DGLUCY: variants seen among roughly 807,000 people sequenced by gnomAD.
The protein encoded by DGLUCY is D-glutamate cyclase, also known as D-glutamate cyclase, mitochondrial.
Under a neutral mutation model 58.5 loss-of-function variants are expected in DGLUCY, and 58 were observed. The ratio of observed to expected loss-of-function variants is 0.99; its 90% CI spans 0.80 to 1.23. The LOEUF is 1.23. Ranked by LOEUF, DGLUCY falls within the 50% of genes most tolerant of loss-of-function variation. The probability of loss-of-function intolerance (pLI) is 0.00; values close to 1 mark genes in which losing one functional copy is unlikely to be tolerated. For synonymous variants in DGLUCY, 325 were observed against 314.1 expected, an observed-to-expected ratio of 1.03 and a Z score of -0.37; for missense variants, 779 against 784.7, an observed-to-expected ratio of 0.99 and a Z score of 0.09.
chr14:91,193,661 T>G (rs2050035746), intron 9 of DGLUCY, among the ~76,000 whole-genome samples: 1 of 152,006 alleles, frequency 6.6e-6, no homozygotes, highest in Non-Finnish European at 1.5e-5. Context: ...GCCAACATGG[T>G]GAAACCCCGT....
At chr14:91,146,711 A>T (rs1019119065) in intron 1 of DGLUCY, among the ~76,000 whole-genome samples, 6 of 152,218 alleles carry the variant, frequency 3.9e-5, no homozygotes, top group African/African-American at 1.4e-4. Flanking sequence ...ATGGAAACTC[A>T]GAATGGAAGG....
At chr14:91,195,215 C>T (rs968175706) in intron 9 of DGLUCY, among the ~76,000 whole-genome samples, 6 of 152,134 alleles carry the variant, frequency 3.9e-5, no homozygotes, top group Non-Finnish European at 5.9e-5. Flanking sequence ...GGCTCCCTGC[C>T]GTCTTAAGCT....
chr14:91,146,977 C>T (rs756954233), intron 1 of DGLUCY, among the ~76,000 whole-genome samples: 14 of 152,018 alleles, frequency 9.2e-5, no homozygotes, highest in Admixed American at 2.6e-4. Context: ...GTCAGCTGCA[C>T]GGCCAGGGAA....
intron 1 of DGLUCY, among the ~76,000 whole-genome samples, chr14:91,130,844 G>A (rs1302573272): frequency 6.6e-6 from 1 of 151,906 alleles, no homozygotes; most frequent in Admixed American, 6.6e-5. Flanking sequence ...GTAAATGCCT[G>A]TTTATATCTT....
At chr14:91,142,916 A>G (rs1421334109) in intron 1 of DGLUCY, among the ~76,000 whole-genome samples, 1 of 148,242 alleles carries the variant, frequency 6.7e-6, no homozygotes, top group Non-Finnish European at 1.5e-5. Context: ...TGTAGTCCCA[A>G]CTACTCAGGA....
intron 3 of DGLUCY, among the ~76,000 whole-genome samples, chr14:91,165,846 C>T (rs2048253794): frequency 6.6e-6 from 1 of 152,174 alleles, no homozygotes; most frequent in Non-Finnish European, 1.5e-5. Context: ...ACTTACCACC[C>T]CAGAAATGCA....
At chr14:91,128,417 C>T (rs1238751204) in intron 1 of DGLUCY, among the ~76,000 whole-genome samples, 4 of 151,686 alleles carry the variant, frequency 2.6e-5, no homozygotes, top group Non-Finnish European at 5.9e-5. Flanking sequence ...ATCACTTGAG[C>T]GCAGGCATGG....
intron 8 of DGLUCY, 49 bp downstream of exon 8, chr14:91,181,438 C>T (rs369538660): frequency 7.1e-6 from 11 of 1,547,580 alleles, no homozygotes; most frequent in African/African-American, 1.4e-5. Context: ...AGAAACAACA[C>T]ATTTGCACCT....
chr14:91,181,391 T>C lies in DGLUCY; in HGVS notation c.934+2T>C. ...AGTCTATGATCGGCATAGACCCAGG[T>C]AAGAAACAACACATTTGCTCGGCAT... On this transcript the variant is annotated splice_donor_variant, in intron 8 of 13. Transcript: ENST00000256324. LOFTEE classifies it high-confidence loss of function. 6.2e-7 allele frequency: 1 copy of C among 1,611,988 alleles called. No individual in the cohort carries two copies. Among genetic ancestry groups the C allele is most frequent in the Non-Finnish European group, 8.5e-7 (1 of 1,179,284 alleles).
chr14:91,111,194 TTATA>T (rs59022805), upstream of DGLUCY, among the ~76,000 whole-genome samples: 923 of 119,142 alleles, frequency 7.7e-3, 20 homozygotes, highest in African/African-American at 0.014. Context: ...TTCTTTTTAT[TTATA>T]TATATGTGTG....
chr14:91,127,202 A>G (rs1165525355), intron 1 of DGLUCY, among the ~76,000 whole-genome samples: 3 of 151,972 alleles, frequency 2.0e-5, no homozygotes, highest in African/African-American at 7.2e-5. Flanking sequence ...AACCACAGGC[A>G]TGTGCCACCA....
At chr14:91,199,681 C>T in intron 10 of DGLUCY, 76 bp from the exon 11 acceptor site, 1 of 1,519,704 alleles carries the variant, frequency 6.6e-7, no homozygotes, top group Non-Finnish European at 9.0e-7. Flanking sequence ...TTCGCGCAAA[C>T]ACAAGAAGGC....
At chr14:91,145,257 C>G (rs2046950699) in intron 1 of DGLUCY, 1 of 152,212 alleles carries the variant, frequency 6.6e-6, no homozygotes, top group African/African-American at 2.4e-5. Context: ...TCCAGAGCCA[C>G]TCTGTCAAAA....
chr14:91,132,467 C>T (rs1448406584), intron 1 of DGLUCY, among the ~76,000 whole-genome samples: 1 of 150,080 alleles, frequency 6.7e-6, no homozygotes, highest in Non-Finnish European at 1.5e-5. Context: ...TTGGGAGACC[C>T]ATAACTTTTT....
At chr14:91,127,604 C>T (rs537753938) in intron 1 of DGLUCY, among the ~76,000 whole-genome samples, 118 of 152,348 alleles carry the variant, frequency 7.7e-4, no homozygotes, top group East Asian at 5.2e-3. Flanking sequence ...CAGGGAACGC[C>T]GGGCAGAAGT....
intron 5 of DGLUCY, among the ~76,000 whole-genome samples, chr14:91,170,607 G>A (rs2048525683): frequency 6.6e-6 from 1 of 152,220 alleles, no homozygotes; most frequent in South Asian, 2.1e-4. Flanking sequence ...CCAGGCAGTA[G>A]CTCCTGGGTC....
At chr14:91,098,027 C>G (rs11852155) in intron 1 of DGLUCY, among the ~76,000 whole-genome samples, 3,385 of 151,690 alleles carry the variant, frequency 0.022, 132 homozygotes, top group African/African-American at 0.079. Flanking sequence ...ACAGCCAATG[C>G]CAAGCTGTTA....
chr14:91,171,181 A>C (rs2048557047), intron 5 of DGLUCY, among the ~76,000 whole-genome samples: 1 of 152,168 alleles, frequency 6.6e-6, no homozygotes, highest in Admixed American at 6.5e-5. Flanking sequence ...TAGATGAGGA[A>C]ACCGAGGTCT....
intron 4 of DGLUCY, 29 bp from the exon 5 acceptor site, chr14:91,169,974 C>A: frequency 6.2e-7 from 1 of 1,601,080 alleles, no homozygotes; most frequent in Non-Finnish European, 8.5e-7. Flanking sequence ...GAGTCTGGGG[C>A]CCTCCCAGCT....
Sources: gnomAD v4.1 joint callset for allele counts (sites outside exome capture counted in the v4.1 genomes callset) on GRCh38, gnomAD v4.1.1 for gene constraint, MANE v1.5 for transcripts, NCBI Gene and HGNC (gene_info 2026-07-23, HGNC 2026-07-21) for gene names.